Variants in PCDHA7 observed in about 807,000 individuals in gnomAD.
PCDHA7 encodes the protein protocadherin alpha 7.
PCDHA7 carries 37 observed loss-of-function variants against 57.2 expected under a neutral mutation model. The ratio of observed to expected loss-of-function variants is 0.65; its 90% CI spans 0.50 to 0.85. The LOEUF is 0.85. Ranked by LOEUF, PCDHA7 falls within the 40% of genes least tolerant of loss-of-function variation. PCDHA7 has a pLI of 0.00. For synonymous variants in PCDHA7, 553 were observed against 558.8 expected, an observed-to-expected ratio of 0.99 and a Z score of 0.15; for missense variants, 1,188 against 1,241.8, an observed-to-expected ratio of 0.96 and a Z score of 0.65.
chr5:140,893,781 G>C (rs113070458), intron 1 of PCDHA7, among the ~76,000 whole-genome samples: 1 of 151,996 alleles, frequency 6.6e-6, no homozygotes, highest in Non-Finnish European at 1.5e-5. Context: ...TTCTTTTACC[G>C]TTTTTAGAAT....
In PCDHA7 at chr5:140,959,652, T is replaced by C. The variant is rs538144488; in HGVS notation, c.2356-19297T>C. 1.3e-4 allele frequency among the ~76,000 whole-genome samples: 20 copies of C among 152,234 alleles called. No individual in the cohort carries two copies. In the South Asian group the frequency reaches 4.2e-3, roughly 32 times the overall value. On this transcript the variant is annotated intron_variant, in intron 1 of 3. Transcript: ENST00000525929. ...AGAGAGAAAAAACACAGAAGCAAAATTGAAGAATTTGTAAATCATTTCTAA... is the reference window on the plus strand; with the variant it reads ...AGAGAGAAAAAACACAGAAGCAAAACTGAAGAATTTGTAAATCATTTCTAA...
chr5:140,941,421 A>T (rs1399072425), intron 1 of PCDHA7, among the ~76,000 whole-genome samples: 1 of 149,518 alleles, frequency 6.7e-6, no homozygotes, highest in Non-Finnish European at 1.5e-5. Flanking sequence ...GGTTCAAGCA[A>T]TTCTCTGCCT....
At chr5:140,953,554 A>C (rs1554220985) in intron 1 of PCDHA7, among the ~76,000 whole-genome samples, 2 of 152,044 alleles carry the variant, frequency 1.3e-5, no homozygotes, top group Non-Finnish European at 2.9e-5. Flanking sequence ...TCTTTTCTCC[A>C]AGTTTTAGTG....
intron 1 of PCDHA7, chr5:140,876,828 G>T: frequency 1.2e-6 from 2 of 1,614,170 alleles, no homozygotes; most frequent in Non-Finnish European, 1.7e-6. Context: ...ACGACAATGC[G>T]CCTGCGTTCG....
chr5:140,850,443 C>T, intron 1 of PCDHA7: 4 of 1,597,988 alleles, frequency 2.5e-6, no homozygotes, highest in Non-Finnish European at 3.4e-6. Flanking sequence ...CCTACTGGTG[C>T]TGGTGAAAGA....
At chr5:140,849,302 A>T in intron 1 of PCDHA7, 3 of 1,281,278 alleles carry the variant, frequency 2.3e-6, no homozygotes, top group Non-Finnish European at 3.2e-6. Context: ...CCTCAGATTT[A>T]GACGAAGGCT....
intron 1 of PCDHA7, chr5:140,851,223 A>G (rs1230955113): frequency 8.7e-7 from 1 of 1,147,336 alleles, no homozygotes; most frequent in Non-Finnish European, 1.1e-6. Flanking sequence ...TAACATCACT[A>G]TCATTTATTT....
At chr5:140,929,557 A>AT (rs2086230665) in intron 1 of PCDHA7, 1 of 478,260 alleles carries the variant, frequency 2.1e-6, no homozygotes, top group Non-Finnish European at 3.6e-6. Flanking sequence ...ATTAAAACCT[A>AT]TTTAAGAACA....
intron 1 of PCDHA7, chr5:140,868,353 A>T (rs1303376076): frequency 6.6e-6 from 1 of 152,174 alleles, no homozygotes; most frequent in Non-Finnish European, 1.5e-5. Flanking sequence ...ATCAGAAAGC[A>T]ATTAAATGTA....
intron 3 of PCDHA7, among the ~76,000 whole-genome samples, chr5:141,009,291 T>G (rs115348370): frequency 2.9e-3 from 436 of 152,228 alleles, no homozygotes; most frequent in African/African-American, 9.9e-3. Flanking sequence ...CCCATTTCTA[T>G]AAAATTTTTT....
intron 1 of PCDHA7, chr5:140,866,786 T>C (rs368538353): frequency 6.6e-6 from 1 of 152,286 alleles, no homozygotes; most frequent in African/African-American, 2.4e-5. Context: ...TCCTGACTGA[T>C]ATAGTAAAAG....
At chr5:140,883,686 A>T in intron 1 of PCDHA7, 1 of 1,613,782 alleles carries the variant, frequency 6.2e-7, no homozygotes, top group South Asian at 1.1e-5. Context: ...CCGGGCTGCC[A>T]CATCTTCACG....
At chr5:140,889,339 G>A (rs1554183871) in intron 1 of PCDHA7, among the ~76,000 whole-genome samples, 1 of 151,948 alleles carries the variant, frequency 6.6e-6, no homozygotes, top group Admixed American at 6.6e-5. Flanking sequence ...TTTGATTGGT[G>A]GGAATATTTC....
intron 1 of PCDHA7, among the ~76,000 whole-genome samples, chr5:140,945,918 C>T (rs782600130): frequency 1.2e-4 from 18 of 152,106 alleles, no homozygotes; most frequent in Admixed American, 2.6e-4. Context: ...ATCAATAACA[C>T]TGATCTGAGC....
intron 1 of PCDHA7, among the ~76,000 whole-genome samples, chr5:140,977,003 T>G (rs1382476176): frequency 6.6e-6 from 1 of 152,248 alleles, no homozygotes; most frequent in Non-Finnish European, 1.5e-5. Flanking sequence ...AGAAATCTTG[T>G]AACTGTGATT....
At chr5:140,975,823 G>A (rs1239122577) in intron 1 of PCDHA7, among the ~76,000 whole-genome samples, 2 of 152,164 alleles carry the variant, frequency 1.3e-5, no homozygotes, top group Non-Finnish European at 2.9e-5. Context: ...AGGAACTGAA[G>A]TGTATTCTTA....
intron 1 of PCDHA7, among the ~76,000 whole-genome samples, chr5:140,895,594 T>C (rs2065067713): frequency 6.6e-6 from 1 of 152,228 alleles, no homozygotes; most frequent in Admixed American, 6.5e-5. Flanking sequence ...GATATATAAT[T>C]TGCAAAGATT....
chr5:140,885,044 T>G (rs187504984), intron 1 of PCDHA7, among the ~76,000 whole-genome samples: 1 of 152,360 alleles, frequency 6.6e-6, no homozygotes, highest in African/African-American at 2.4e-5. Context: ...TTTAGTTTAA[T>G]GTATACATAT....
chr5:140,871,143 G>C (rs2052747767), intron 1 of PCDHA7: 1 of 1,613,356 alleles, frequency 6.2e-7, no homozygotes, highest in South Asian at 1.1e-5. Context: ...CCTCTTCCCG[G>C]ACTTTGGCGG....
Sources: allele counts gnomAD v4.1 joint callset (sites outside exome capture counted in the v4.1 genomes callset), GRCh38; gene constraint gnomAD v4.1.1; transcripts MANE v1.5; gene names NCBI Gene and HGNC (gene_info 2026-07-23, HGNC 2026-07-21).